CDK5RAP1: variants seen among roughly 807,000 people sequenced by gnomAD.
The protein encoded by CDK5RAP1 is CDK5RAP1 mitochondrial tRNA methylthiotransferase.
In CDK5RAP1, 62 loss-of-function variants were observed where a neutral mutation model predicts 64.5. That is an observed-to-expected ratio of 0.96 (90% confidence interval 0.78 to 1.19). The LOEUF (loss-of-function observed/expected upper bound fraction) is 1.19, where lower values mean the gene tolerates loss of function less well. CDK5RAP1 is among the 50% of genes most tolerant of loss of function. CDK5RAP1 has a pLI of 0.00. For synonymous variants in CDK5RAP1, 250 were observed against 261.9 expected (o/e 0.95, Z 0.44); for missense variants, 657 against 735.0 (o/e 0.89, Z 1.23).
rs542745437 is a variant in CDK5RAP1 at position 33,359,044 on chromosome 20, C to T, written c.1763G>A (p.Ter588=). 1 of 1,610,116 alleles carries T rather than the reference C, an allele frequency of 6.2e-7. No individual in the cohort carries two copies. ...CAGCTCTGAGGCCATCCTCTCAGGT[C>T]AGCAATATGCAGAAGAGTCCCTCAG... ...TTLRDSSAYC[*] The change falls in exon 14 of 14, where the codon TGA becomes TAA. Residue 588 remains the stop codon, a stop_retained_variant. Coordinates refer to ENST00000346416, the MANE Select transcript of CDK5RAP1 (RefSeq NM_016408.4).
intron 5 of CDK5RAP1, among the ~76,000 whole-genome samples, chr20:33,389,572 G>A (rs992364301): frequency 1.2e-4 from 18 of 150,848 alleles, no homozygotes; most frequent in Non-Finnish European, 1.9e-4. Context: ...CAGCCGCCCC[G>A]TCCGGGAGGG....
chr20:33,396,841 GGAGCT>G lies in CDK5RAP1; in HGVS notation c.219_223del (p.Ala74SerfsTer19). 6.2e-7 allele frequency: 1 copy of G among 1,614,168 alleles called. No homozygotes were observed. The highest frequency in any genetic ancestry group is 8.5e-7 in the Non-Finnish European group (1 of 1,180,032). On this transcript the variant is annotated frameshift_variant, in exon 2 of 14. Transcript: ENST00000346416. LOFTEE classifies it high-confidence loss of function. The stretch of plus-strand genomic sequence containing the variant: ...CACTTCTGAAGACAGCTTCTCCTGA[GGAGCT>G]GAGGCACTTTTTAAAAAATGTTGAA...
Position 33,395,040 on chromosome 20 carries a change from G to C in CDK5RAP1, c.381C>G (p.Gly127=). Residue 127 remains glycine, a synonymous_variant, in exon 3 of 14, where the codon GGC becomes GGG. Transcript: ENST00000346416. ...CTTGGAGGTTACTGGTCCGCAGGTA[G>C]CCACTCTTCTGTAAGATGGACCAGG... ...EIAWSILQKS[G]YLRTSNLQEA... is the part of the protein sequence containing the mutation. 6.2e-7 allele frequency: 1 copy of C among 1,610,648 alleles called. No homozygotes were observed. The highest frequency in any genetic ancestry group is 1.3e-5 in the African/African-American group (1 of 74,960).
chr20:33,392,499 T>C (rs1472248576), intron 4 of CDK5RAP1, among the ~76,000 whole-genome samples: 1 of 151,004 alleles, frequency 6.6e-6, no homozygotes, highest in African/African-American at 2.4e-5. Context: ...CATCAGCTAT[T>C]ATTAGTGTTA....
At chr20:33,365,693 G>T (rs975961496) in intron 12 of CDK5RAP1, among the ~76,000 whole-genome samples, 1 of 148,874 alleles carries the variant, frequency 6.7e-6, no homozygotes, top group Non-Finnish European at 1.5e-5. Flanking sequence ...CACTAGCTGT[G>T]TAACCTTAGG....
Position 33,382,954 on chromosome 20 carries a change from G to C in CDK5RAP1, c.876+2696C>G, listed in dbSNP as rs545402971. Among the ~76,000 whole-genome samples, 4 of 152,154 alleles carry C rather than the reference G, an allele frequency of 2.6e-5. No individual in the cohort carries two copies. In the South Asian group the frequency reaches 8.3e-4, roughly 32 times the overall value. On this transcript the variant is annotated intron_variant, in intron 7 of 13. Transcript: ENST00000346416. ...CTAGCCCTTTGGGAGGCTGAGCCGG[G>C]TGAATCACCTGAGGTCAGGAGTTTG...
chr20:33,394,100 CATA>C (rs1172011279), intron 3 of CDK5RAP1, 34 bp from the exon 4 acceptor site: 6 of 1,456,248 alleles, frequency 4.1e-6, no homozygotes, highest in Non-Finnish European at 5.8e-6. Flanking sequence ...AGGAAAATTA[CATA>C]ATATCTTGGA....
At position 33,396,838 on chromosome 20, in the gene CDK5RAP1, T is replaced by G. The variant is rs777292525; in HGVS notation, c.227A>C (p.Gln76Pro). 1.7e-4 allele frequency: 280 copies of G among 1,613,818 alleles called. 2 individuals are homozygous for G. In the Admixed American group the frequency reaches 4.6e-3, roughly 27 times the overall value. ...TTCCACTTCTGAAGACAGCTTCTCC[T>G]GAGGAGCTGAGGCACTTTTTAAAAA... ...QHFLKSASAP[Q>P]EKLSSEVEDP... The change falls in exon 2 of 14, where the codon CAG becomes CCG. Residue 76 changes from glutamine (Q) to proline (P), a missense_variant. Transcript: ENST00000346416.
chr20:33,387,370 A>G lies in CDK5RAP1; in HGVS notation c.708T>C (p.Ala236=), dbSNP rs1600777367. The change falls in exon 6 of 14, where the codon GCT becomes GCC. Residue 236 remains alanine (A), a synonymous_variant. Coordinates refer to ENST00000346416, the MANE Select transcript of CDK5RAP1 (RefSeq NM_016408.4). ...CGCTTGTCTGGACTGGCATGACATC[A>G]GCATAGGTCTCGTCCAGAGAGAGCA... ...NVLLSLDETY[A]DVMPVQTSAS... is the part of the protein sequence containing the mutation. 7 of 1,614,150 alleles carry G rather than the reference A, an allele frequency of 4.3e-6. No individual in the cohort carries two copies. The East Asian group carries it at 6.7e-5, about 15-fold the overall frequency.
intron 8 of CDK5RAP1, 64 bp from the exon 9 acceptor site, chr20:33,374,276 A>G (rs1985604853): frequency 2.0e-6 from 2 of 1,021,750 alleles, no homozygotes; most frequent in Admixed American, 3.5e-5. Context: ...AGAAAGCAAT[A>G]CCGCTCTTAC....
At chr20:33,365,171 C>G (rs1983673083) in intron 12 of CDK5RAP1, among the ~76,000 whole-genome samples, 1 of 152,210 alleles carries the variant, frequency 6.6e-6, no homozygotes, top group South Asian at 2.1e-4. Flanking sequence ...GCTAGGATCA[C>G]AGGCTTGAGC....
At chr20:33,396,687 TA>T in intron 2 of CDK5RAP1, 73 bp downstream of exon 2, 3 of 1,140,778 alleles carry the variant, frequency 2.6e-6, no homozygotes, top group African/African-American at 1.5e-5. Context: ...AGTTCTGTAA[TA>T]AAAGAATCAT....
Position 33,387,438 on chromosome 20 carries a change from G to GC in CDK5RAP1, c.639dup (p.Leu214AlafsTer6). On this transcript the variant is annotated frameshift_variant, in exon 6 of 14. Coordinates refer to ENST00000346416, the MANE Select transcript of CDK5RAP1 (RefSeq NM_016408.4). LOFTEE classifies it high-confidence loss of function. Reference sequence around the variant, plus strand: ...TGGCCCGACTCAGCAACAGCCAGCAGCCGGGGAAGGTCCCGGTAGGCATCA... The same window carrying GC: ...TGGCCCGACTCAGCAACAGCCAGCAGCCCGGGGAAGGTCCCGGTAGGCATCA... 6.2e-7 allele frequency: 1 copy of GC among 1,614,158 alleles called. No individual in the cohort carries two copies.
chr20:33,379,725 C>T (rs1600751495), intron 7 of CDK5RAP1, 34 bp from the exon 8 acceptor site: 1 of 1,474,600 alleles, frequency 6.8e-7, no homozygotes, highest in East Asian at 2.3e-5. Context: ...AATTTTAAAA[C>T]TTTTGGGTAG....
intron 8 of CDK5RAP1, 108 bp from the exon 9 acceptor site, chr20:33,374,320 A>G: frequency 1.4e-6 from 1 of 711,900 alleles, no homozygotes; most frequent in South Asian, 1.7e-5. Context: ...TCACATAATT[A>G]AGAGGCTAAT....
chr20:33,394,861 A>G (rs934779083), intron 3 of CDK5RAP1, 152 bp downstream of exon 3: 2 of 583,108 alleles, frequency 3.4e-6, no homozygotes, highest in Non-Finnish European at 6.2e-6. Flanking sequence ...AGCTGGAACA[A>G]AAGTACAACT....
chr20:33,395,153 GA>G (rs1249817086), intron 2 of CDK5RAP1, 37 bp from the exon 3 acceptor site: 8 of 1,185,456 alleles, frequency 6.7e-6, no homozygotes, highest in Non-Finnish European at 1.0e-5. Flanking sequence ...ATGGTAGACA[GA>G]CAACAAGGGG....
At chr20:33,399,599 G>C (rs1480380253) in intron 1 of CDK5RAP1, among the ~76,000 whole-genome samples, 1 of 152,212 alleles carries the variant, frequency 6.6e-6, no homozygotes. Context: ...CCTCACGGCA[G>C]GTGCTAAACA....
intron 8 of CDK5RAP1, 137 bp downstream of exon 8, chr20:33,379,324 A>T (rs1986440924): frequency 4.7e-6 from 3 of 635,182 alleles, no homozygotes; most frequent in Non-Finnish European, 8.3e-6. Context: ...GGACCAGCAG[A>T]TCTGGAGGGT....
Sources: allele counts gnomAD v4.1 joint callset (sites outside exome capture counted in the v4.1 genomes callset), GRCh38; gene constraint gnomAD v4.1.1; transcripts MANE v1.5; gene names NCBI Gene and HGNC (gene_info 2026-07-23, HGNC 2026-07-21).